GDAP1: variants seen among roughly 807,000 people sequenced by gnomAD.
GDAP1 encodes the protein ganglioside induced differentiation associated protein 1.
In GDAP1, 34 loss-of-function variants were observed where a neutral mutation model predicts 40.1. The observed-to-expected ratio is 0.85, with a 90% confidence interval of 0.64 to 1.13. GDAP1 has a LOEUF of 1.13. Among genes scored for constraint, GDAP1 ranks in the 50% most tolerant of loss-of-function variants. The pLI, the probability that GDAP1 is intolerant of heterozygous loss-of-function variation, is 0.00. For missense variants in GDAP1, 374 were observed against 433.7 expected (o/e 0.86, Z 1.22); for synonymous variants, 170 against 157.4 (o/e 1.08, Z -0.60).
In GDAP1 at chr8:74,363,763, G is replaced by A. The variant is rs578194108; in HGVS notation, c.695-222G>A. On this transcript the variant is annotated intron_variant, in intron 5 of 5. Transcript: ENST00000220822. ...TACATAGGGACCTGGATGGCTGACA[G>A]ACGTCAAGCAAGTCTCCTTTGGCCT... Among the ~76,000 whole-genome samples the A allele has an allele frequency of 2.6e-4, 39 of 152,340 alleles. 1 individual carries two copies. In the South Asian group the frequency reaches 7.5e-3, roughly 29 times the overall value.
intron 2 of GDAP1, among the ~76,000 whole-genome samples, chr8:74,379,145 T>TGATAGTTTA (rs59494742): frequency 5.3e-5 from 8 of 151,950 alleles, no homozygotes; most frequent in Non-Finnish European, 1.2e-4. Flanking sequence ...ACTTTCAGGG[T>TGATAGTTTA]CCGACTCAGG....
intron 2 of GDAP1, among the ~76,000 whole-genome samples, chr8:74,413,399 C>T (rs1054616541): frequency 5.3e-5 from 8 of 149,994 alleles, no homozygotes; most frequent in Admixed American, 4.6e-4. Flanking sequence ...CACAGCCCAG[C>T]CCCAAAGTGG....
chr8:74,400,355 T>A (rs192206480), intron 2 of GDAP1, among the ~76,000 whole-genome samples: 2,395 of 149,870 alleles, frequency 0.016, 304 homozygotes, highest in African/African-American at 0.058. Context: ...CTGTTTTATC[T>A]GAGACTAGGA....
chr8:74,433,098 C>G (rs1406803872), intron 2 of GDAP1, among the ~76,000 whole-genome samples: 1 of 152,178 alleles, frequency 6.6e-6, no homozygotes, highest in Non-Finnish European at 1.5e-5. Context: ...CTTCCAGATC[C>G]TTCCGTGGTT....
chr8:74,413,652 G>T (rs1337008283), intron 2 of GDAP1, among the ~76,000 whole-genome samples: 1 of 149,424 alleles, frequency 6.7e-6, no homozygotes, highest in Non-Finnish European at 1.5e-5. Flanking sequence ...AAATCTCTGA[G>T]GGAGGCGATC....
At chr8:74,457,646 T>C (rs2131578634) in intron 2 of GDAP1, among the ~76,000 whole-genome samples, 1 of 152,312 alleles carries the variant, frequency 6.6e-6, no homozygotes, top group South Asian at 2.1e-4. Context: ...TTGTTCAACA[T>C]GTTAAACATC....
chr8:74,474,208 T>G (rs1806597004), intron 2 of GDAP1, among the ~76,000 whole-genome samples: 1 of 152,208 alleles, frequency 6.6e-6, no homozygotes, highest in African/African-American at 2.4e-5. Flanking sequence ...ACTGTGGGGT[T>G]TTCTAGATAT....
chr8:74,390,034 T>C (rs1198502892), intron 2 of GDAP1, among the ~76,000 whole-genome samples: 1 of 152,218 alleles, frequency 6.6e-6, no homozygotes, highest in African/African-American at 2.4e-5. Context: ...CTCCATCATG[T>C]CATTTATGTT....
intron 2 of GDAP1, among the ~76,000 whole-genome samples, chr8:74,418,937 C>T (rs1315474579): frequency 1.3e-5 from 2 of 152,112 alleles, no homozygotes. Flanking sequence ...AGTTATTTAG[C>T]ATCATTAATT....
chr8:74,363,081 C>T (rs1464796448), intron 5 of GDAP1, 28 bp downstream of exon 5: 2 of 957,770 alleles, frequency 2.1e-6, no homozygotes, highest in Admixed American at 1.7e-5. Context: ...TTCTTTCTCT[C>T]TTTTCAACAT....
chr8:74,485,019 T>C (rs1424989900), intron 2 of GDAP1, among the ~76,000 whole-genome samples: 1 of 152,136 alleles, frequency 6.6e-6, no homozygotes, highest in Non-Finnish European at 1.5e-5. Flanking sequence ...CACATTCACA[T>C]GCAAAACTAC....
chr8:74,361,963 A>G lies in GDAP1; in HGVS notation c.564A>G (p.Lys188=). 6.3e-7 allele frequency: 1 copy of G among 1,586,532 alleles called. No homozygotes were observed. The highest frequency in any genetic ancestry group is 8.6e-7 in the Non-Finnish European group (1 of 1,156,118). The change falls in exon 4 of 6, where the codon AAA becomes AAG. Residue 188 remains lysine, a synonymous_variant. Coordinates refer to ENST00000220822, the MANE Select transcript of GDAP1 (RefSeq NM_018972.4). ...ATTTACAAGAAGCATACATTGCAAAACAGAAACGACTTAAAGTAAGCCAAT... is the reference window on the plus strand; with the variant it reads ...ATTTACAAGAAGCATACATTGCAAAGCAGAAACGACTTAAAGTAAGCCAAT... ...NPDLQEAYIA[K]QKRLKSKLLD...
intron 2 of GDAP1, among the ~76,000 whole-genome samples, chr8:74,417,779 A>AAT (rs1805803187): frequency 5.3e-5 from 4 of 75,808 alleles, no homozygotes; most frequent in Admixed American, 3.5e-4. Context: ...AAAAAAAAAA[A>AAT]GGAAAAGAAA....
rs368635411 is a variant in GDAP1 at position 74,424,915 on chromosome 8, C to T, written c.166-63763C>T. Reference sequence around the variant, plus strand: ...GTTATTATAGATTTCTGAATTAGCACTTAAAATCTTTAAACTTCCCTCTTA... The same window carrying T: ...GTTATTATAGATTTCTGAATTAGCATTTAAAATCTTTAAACTTCCCTCTTA... On this transcript the variant is annotated intron_variant, in intron 2 of 2. Coordinates refer to the GDAP1 transcript ENST00000523640. Among the ~76,000 whole-genome samples the T allele has an allele frequency of 2.3e-4, 35 of 152,324 alleles. No individual in the cohort carries two copies. In the East Asian group the frequency reaches 3.3e-3, roughly 14 times the overall value.
intron 2 of GDAP1, among the ~76,000 whole-genome samples, chr8:74,416,765 A>G (rs1322187824): frequency 6.7e-6 from 1 of 149,834 alleles, no homozygotes; most frequent in African/African-American, 2.6e-5. Context: ...CAGGAGTAGA[A>G]GCATTCACAG....
chr8:74,412,893 C>T (rs1173089114), intron 2 of GDAP1, among the ~76,000 whole-genome samples: 1 of 143,352 alleles, frequency 7.0e-6, no homozygotes, highest in Non-Finnish European at 1.5e-5. Context: ...CCCGTCTCTA[C>T]TAAAAATACA....
intron 2 of GDAP1, among the ~76,000 whole-genome samples, chr8:74,381,748 T>G (rs147208246): frequency 0.08 from 9,366 of 116,652 alleles, 342 homozygotes; most frequent in East Asian, 0.14. Flanking sequence ...AGAGCGAAAC[T>G]CCATCTCAAA....
intron 2 of GDAP1, among the ~76,000 whole-genome samples, chr8:74,410,396 G>A (rs1422824890): frequency 6.7e-6 from 1 of 150,132 alleles, no homozygotes; most frequent in Non-Finnish European, 1.5e-5. Context: ...GTCAGTTACT[G>A]AGAAAACATA....
intron 2 of GDAP1, among the ~76,000 whole-genome samples, chr8:74,422,502 TC>T: frequency 3.3e-5 from 1 of 30,032 alleles, no homozygotes; most frequent in Non-Finnish European, 1.1e-4. Flanking sequence ...TCTCCTTCCT[TC>T]CTTCCTTCCT....
Sources: gnomAD v4.1 joint callset for allele counts (sites outside exome capture counted in the v4.1 genomes callset) on GRCh38, gnomAD v4.1.1 for gene constraint, MANE v1.5 for transcripts, NCBI Gene and HGNC (gene_info 2026-07-23, HGNC 2026-07-21) for gene names.